The following RNF175 variants were observed in gnomAD, a reference collection of about 807,000 sequenced individuals.
RNF175 encodes the protein ring finger protein 175.
RNF175 carries 38 observed loss-of-function variants against 50.0 expected under a neutral mutation model. The ratio of observed to expected loss-of-function variants is 0.76; its 90% CI spans 0.59 to 1.00. The LOEUF is 1.00. Ranked by LOEUF, RNF175 falls within the 50% of genes least tolerant of loss-of-function variation. RNF175 has a pLI of 0.00. For synonymous variants in RNF175, 155 were observed against 146.1 expected (o/e 1.06, Z -0.44); for missense variants, 388 against 409.6 (o/e 0.95, Z 0.46).
chr4:153,757,555 G>A (rs1259109848), intron 1 of RNF175, among the ~76,000 whole-genome samples: 2 of 152,152 alleles, frequency 1.3e-5, no homozygotes, highest in Admixed American at 6.5e-5. Flanking sequence ...GGTTTAGAGG[G>A]CTGTATTCAT....
intron 1 of RNF175, among the ~76,000 whole-genome samples, chr4:153,757,037 C>A (rs1030301959): frequency 1.3e-5 from 2 of 152,112 alleles, no homozygotes; most frequent in African/African-American, 2.4e-5. Flanking sequence ...CCCATTTCAG[C>A]CTCCCCTCTC....
At chr4:153,741,900 G>A (rs913856539) in intron 3 of RNF175, among the ~76,000 whole-genome samples, 2 of 151,876 alleles carry the variant, frequency 1.3e-5, no homozygotes, top group Non-Finnish European at 2.9e-5. Context: ...AAAAGTAATG[G>A]GAAAAACCAC....
intron 1 of RNF175, among the ~76,000 whole-genome samples, chr4:153,758,779 A>AG (rs1279314428): frequency 6.6e-6 from 1 of 151,976 alleles, no homozygotes; most frequent in East Asian, 1.9e-4. Context: ...AATATTAAAA[A>AG]AAAAAAAATC....
intron 3 of RNF175, among the ~76,000 whole-genome samples, chr4:153,731,665 AAG>A (rs200079370): frequency 1.3e-5 from 2 of 148,882 alleles, no homozygotes; most frequent in African/African-American, 2.4e-5. Context: ...AAGAGAAAGA[AAG>A]AGAGAGAGGG....
chr4:153,740,630 T>C (rs1739604258), intron 3 of RNF175, among the ~76,000 whole-genome samples: 1 of 152,106 alleles, frequency 6.6e-6, no homozygotes, highest in South Asian at 2.1e-4. Context: ...CTATGGCCTC[T>C]GGTAGCCACC....
intron 3 of RNF175, among the ~76,000 whole-genome samples, chr4:153,745,028 A>G (rs574842217): frequency 2.6e-5 from 4 of 152,362 alleles, no homozygotes; most frequent in Admixed American, 2.0e-4. Flanking sequence ...GTAAAATAAT[A>G]TATTGGTCTA....
chr4:153,756,676 A>G (rs1280691351), intron 1 of RNF175, among the ~76,000 whole-genome samples: 1 of 152,216 alleles, frequency 6.6e-6, no homozygotes, highest in African/African-American at 2.4e-5. Flanking sequence ...GCTGGCATTC[A>G]AGGGTTAGAA....
At chr4:153,716,355 G>A (rs1477798512) in intron 6 of RNF175, among the ~76,000 whole-genome samples, 1 of 152,168 alleles carries the variant, frequency 6.6e-6, no homozygotes, top group Non-Finnish European at 1.5e-5. Context: ...TATTGTCCTG[G>A]AGATTCTGAT....
At chr4:153,758,087 A>G (rs1408187290) in intron 1 of RNF175, among the ~76,000 whole-genome samples, 2 of 152,184 alleles carry the variant, frequency 1.3e-5, no homozygotes, top group East Asian at 1.9e-4. Context: ...ACACATAGAC[A>G]TACTTCAGGT....
At chr4:153,734,526 A>C (rs531846591) in intron 3 of RNF175, among the ~76,000 whole-genome samples, 35 of 152,290 alleles carry the variant, frequency 2.3e-4, no homozygotes, top group Non-Finnish European at 4.1e-4. Flanking sequence ...AATTAATTAC[A>C]TAAGTTAATC....
intron 8 of RNF175, among the ~76,000 whole-genome samples, chr4:153,711,266 T>A (rs867956431): frequency 1.2e-4 from 18 of 152,216 alleles, no homozygotes; most frequent in African/African-American, 3.4e-4. Flanking sequence ...GGACAGTGGA[T>A]GAACAGGAAG....
chr4:153,728,454 A>G, intron 3 of RNF175, 93 bp from the exon 4 acceptor site: 1 of 1,003,292 alleles, frequency 1.0e-6, no homozygotes, highest in Admixed American at 1.8e-5. Flanking sequence ...TGCTGGGAGA[A>G]CCACCTTCAC....
At chr4:153,743,227 C>A (rs1192549357) in intron 3 of RNF175, among the ~76,000 whole-genome samples, 2 of 152,130 alleles carry the variant, frequency 1.3e-5, no homozygotes, top group Non-Finnish European at 2.9e-5. Context: ...CAGACATCAC[C>A]AAGAGTGGCT....
intron 1 of RNF175, among the ~76,000 whole-genome samples, chr4:153,754,280 AG>A (rs1740456623): frequency 6.6e-6 from 1 of 152,174 alleles, no homozygotes; most frequent in Non-Finnish European, 1.5e-5. Flanking sequence ...GTTGGGGAGA[AG>A]AAAAAGAATA....
In RNF175 at chr4:153,748,662, G is replaced by T; in HGVS notation, c.229C>A (p.His77Asn). The T allele has an allele frequency of 6.3e-7, 1 of 1,596,960 alleles. No homozygotes were observed. Among genetic ancestry groups the T allele is most frequent in the Non-Finnish European group, 8.5e-7 (1 of 1,171,728 alleles). ...TGACTCACATTGTAGGATCGGCCAT[G>T]CCTCTGTCTCCACTGAACCAGCACT... ...QIVLVQWRQR[H>N]GRSYNLVTLL... The change falls in exon 3 of 9, where the codon CAT becomes AAT. Residue 77 changes from histidine (H) to asparagine (N), a missense_variant. By Grantham distance (68) the His-to-Asn change is moderately conservative (BLOSUM62 1). Coordinates refer to ENST00000347063, the MANE Select transcript of RNF175 (RefSeq NM_173662.4).
At chr4:153,722,031 C>T (rs938702667) in intron 5 of RNF175, among the ~76,000 whole-genome samples, 3 of 152,252 alleles carry the variant, frequency 2.0e-5, no homozygotes, top group Admixed American at 2.0e-4. Context: ...GACTCTCCAT[C>T]TGATTGCCTT....
At chr4:153,737,200 T>A (rs1244834684) in intron 3 of RNF175, among the ~76,000 whole-genome samples, 1 of 152,118 alleles carries the variant, frequency 6.6e-6, no homozygotes, top group African/African-American at 2.4e-5. Flanking sequence ...TTTCTCTTTT[T>A]TTTTTCTTGG....
At chr4:153,718,230 G>GTTTTTTTTTTTTTTTTTTTTTTT (rs1272804247) in intron 6 of RNF175, among the ~76,000 whole-genome samples, 1 of 31,844 alleles carries the variant, frequency 3.1e-5, no homozygotes, top group African/African-American at 8.3e-5. Flanking sequence ...TTGTTTGTTT[G>GTTTTTTTTTTTTTTTTTTTTTTT]TTTGTTTGTT....
At position 153,750,876 on chromosome 4, in the gene RNF175, CTTTATGAGATTAATCTATTAATCTGT is replaced by C. The variant is rs1282184387; in HGVS notation, c.104+536_104+561del. On this transcript the variant is annotated intron_variant, in intron 2 of 8. Coordinates refer to ENST00000347063, the MANE Select transcript of RNF175 (RefSeq NM_173662.4). ...TTGCATAGATATAAAATAAAATATG[CTTTATGAGATTAATCTATTAATCTGT>C]TATATGAGATTAATCTATAATAAAA... is the stretch of plus-strand genomic sequence containing the variant. 1.4e-4 allele frequency among the ~76,000 whole-genome samples: 15 copies of C among 107,278 alleles called. No homozygotes were observed. The East Asian group carries it at 2.9e-3, about 21-fold the overall frequency. The allele number at this position is 107,278 out of a possible 152,430, so 70.4% of individuals were successfully genotyped here.
Sources: allele counts gnomAD v4.1 joint callset (sites outside exome capture counted in the v4.1 genomes callset), GRCh38; gene constraint gnomAD v4.1.1; transcripts MANE v1.5; gene names NCBI Gene and HGNC (gene_info 2026-07-23, HGNC 2026-07-21).